LRRK2: variants seen among roughly 807,000 people sequenced by gnomAD.
LRRK2 encodes the protein leucine-rich repeat serine/threonine-protein kinase 2.
LRRK2 carries 203 observed loss-of-function variants against 302.6 expected under a neutral mutation model. The ratio of observed to expected loss-of-function variants is 0.67; its 90% confidence interval spans 0.60 to 0.75. The LOEUF (loss-of-function observed/expected upper bound fraction) is 0.75. LRRK2 is among the 30% of genes least tolerant of loss of function. LRRK2 has a pLI of 0.00. For missense variants in LRRK2, 2,830 were observed against 2,951.0 expected (o/e 0.96, Z 0.95); for synonymous variants, 1,066 against 1,031.9 (o/e 1.03, Z -0.63).
intron 44 of LRRK2, among the ~76,000 whole-genome samples, chr12:40,353,422 A>G (rs561345315): frequency 2.7e-5 from 4 of 145,964 alleles, no homozygotes; most frequent in Middle Eastern, 3.8e-3. Flanking sequence ...ATCTCAGACA[A>G]TGGGCGGCCG....
intron 2 of LRRK2, among the ~76,000 whole-genome samples, chr12:40,228,433 C>CTTTTTTTTTTTTTTTTTTTTTTTTCT (rs35333613): frequency 5.2e-5 from 1 of 19,316 alleles, no homozygotes; most frequent in Non-Finnish European, 9.1e-5. Context: ...AAAAATAAGA[C>CTTTTTTTTTTTTTTTTTTTTTTTTCT]TTTTTTTTTT....
intron 3 of LRRK2, among the ~76,000 whole-genome samples, chr12:40,234,080 G>A (rs571540631): frequency 1.3e-5 from 2 of 152,254 alleles, no homozygotes; most frequent in Admixed American, 1.3e-4. Flanking sequence ...ATAAAGTCAG[G>A]AATTGTGGGA....
chr12:40,293,496 G>C (rs72546322), intron 20 of LRRK2, 49 bp from the exon 21 acceptor site: 10 of 1,188,578 alleles, frequency 8.4e-6, no homozygotes, highest in Admixed American at 5.5e-5. Flanking sequence ...TTATGATTGA[G>C]TAAGCTTTTT....
chr12:40,303,410 A>G (rs557714887), intron 26 of LRRK2, among the ~76,000 whole-genome samples: 1 of 152,224 alleles, frequency 6.6e-6, no homozygotes, highest in African/African-American at 2.4e-5. Context: ...ATTATATCAT[A>G]CATGATAAAC....
rs1401751968 is a variant in LRRK2 at position 40,316,541 on chromosome 12, C to T, written c.4827+1241C>T. On this transcript the variant is annotated intron_variant, in intron 33 of 50. Coordinates refer to ENST00000298910, the MANE Select transcript of LRRK2 (RefSeq NM_198578.4). ...TTGAGCATCAGCTTGACCTACGTTT[C>T]AGTCTCTTTAATTACTTATTAGCTC... is the stretch of plus-strand genomic sequence containing the variant. 2.0e-5 allele frequency among the ~76,000 whole-genome samples: 3 copies of T among 152,158 alleles called. No homozygotes were observed. The East Asian group carries it at 5.8e-4, about 29-fold the overall frequency.
intron 19 of LRRK2, chr12:40,286,353 AT>A (rs1382606281): frequency 6.6e-6 from 1 of 151,994 alleles, no homozygotes; most frequent in Admixed American, 6.6e-5. Flanking sequence ...AAAAGGAACC[AT>A]TTGGGTATAT....
At chr12:40,332,559 G>T (rs1240439713) in intron 39 of LRRK2, among the ~76,000 whole-genome samples, 1 of 152,016 alleles carries the variant, frequency 6.6e-6, no homozygotes, top group African/African-American at 2.4e-5. Flanking sequence ...AGTAAATTTT[G>T]TAACCTTTAA....
intron 16 of LRRK2, among the ~76,000 whole-genome samples, chr12:40,276,439 G>A (rs1016013570): frequency 3.3e-5 from 5 of 152,118 alleles, no homozygotes; most frequent in Admixed American, 6.5e-5. Flanking sequence ...AGGACTACAA[G>A]TATGCACCAC....
chr12:40,353,896 A>G (rs1946447526), intron 44 of LRRK2, among the ~76,000 whole-genome samples: 1 of 152,206 alleles, frequency 6.6e-6, no homozygotes, highest in African/African-American at 2.4e-5. Context: ...AGGCAGGAGA[A>G]TCAGGCAGGG....
intron 5 of LRRK2, among the ~76,000 whole-genome samples, chr12:40,239,612 C>A (rs73106342): frequency 3.9e-5 from 6 of 152,070 alleles, no homozygotes; most frequent in Admixed American, 3.3e-4. Flanking sequence ...AGAAAAATTT[C>A]TGATTTTTCC....
Position 40,294,892 on chromosome 12 carries a change from A to G in LRRK2, c.2856A>G (p.Ile952Met), listed in dbSNP as rs1944318943. The G allele has an allele frequency of 1.9e-6, 3 of 1,553,672 alleles. No individual in the cohort carries two copies. Among genetic ancestry groups the G allele is most frequent in the African/African-American group, 2.7e-5 (2 of 73,972 alleles). The change falls in exon 22 of 51, where the codon ATA becomes ATG. Residue 952 changes from isoleucine to methionine, a missense_variant. Transcript: ENST00000298910. ...ATTTACTGAAGCGAAAAAGAAAAATATTATCTTCAGATGATTCACTCAGTA... is the reference window on the plus strand; with the variant it reads ...ATTTACTGAAGCGAAAAAGAAAAATGTTATCTTCAGATGATTCACTCAGTA... The part of the protein sequence containing the change: ...HEDLLKRKRK[I>M]LSSDDSLRSS...
intron 2 of LRRK2, among the ~76,000 whole-genome samples, chr12:40,225,932 G>A (rs756020134): frequency 2.6e-5 from 4 of 152,100 alleles, no homozygotes; most frequent in Non-Finnish European, 5.9e-5. Flanking sequence ...TCTCGTTATT[G>A]GCAAGATGAA....
At chr12:40,363,192 A>C (rs1160087560) in intron 47 of LRRK2, among the ~76,000 whole-genome samples, 2 of 152,086 alleles carry the variant, frequency 1.3e-5, no homozygotes, top group Admixed American at 6.6e-5. Flanking sequence ...AAATTAATAT[A>C]AAGTAACCAA....
chr12:40,314,120 T>A lies in LRRK2; in HGVS notation c.4685T>A (p.Leu1562Gln). Residue 1562 changes from leucine to glutamine, a missense_variant, in exon 32 of 51, where the codon CTG becomes CAG. By Grantham distance (113) the Leu-to-Gln change is moderately radical (BLOSUM62 -2). Around this residue, in one of 3 missense-constraint regions of LRRK2, gnomAD observed 2,121 missense variants for 2,148.0 expected, o/e 0.99. Transcript: ENST00000298910. ...TTACAACTAGTGAGAGAAAATCAGC[T>A]GCAGTTAGATGAAAATGAGCTTCCT... The part of the protein sequence containing the change: ...RLLQLVRENQ[L>Q]QLDENELPHA... 1 of 1,612,714 alleles carries A rather than the reference T, an allele frequency of 6.2e-7. No individual in the cohort carries two copies. The highest frequency in any genetic ancestry group is 8.5e-7 in the Non-Finnish European group (1 of 1,179,004).
At chr12:40,358,769 G>A (rs1375272045) in intron 46 of LRRK2, among the ~76,000 whole-genome samples, 1 of 152,046 alleles carries the variant, frequency 6.6e-6, no homozygotes, top group Non-Finnish European at 1.5e-5. Flanking sequence ...AATATCATTG[G>A]AGCTTTCATG....
intron 39 of LRRK2, among the ~76,000 whole-genome samples, chr12:40,331,879 T>C (rs929323846): frequency 3.9e-5 from 6 of 152,368 alleles, no homozygotes; most frequent in African/African-American, 1.4e-4. Flanking sequence ...TAAAATTCCT[T>C]TAACCTTGGT....
chr12:40,256,652 A>G (rs1199215168), intron 11 of LRRK2, among the ~76,000 whole-genome samples: 5 of 152,240 alleles, frequency 3.3e-5, no homozygotes, highest in Non-Finnish European at 7.3e-5. Flanking sequence ...GCATATATAG[A>G]AATTATAATG....
At chr12:40,246,759 C>T (rs370915096) in intron 7 of LRRK2, among the ~76,000 whole-genome samples, 1 of 152,124 alleles carries the variant, frequency 6.6e-6, no homozygotes, top group African/African-American at 2.4e-5. Context: ...CTGGTTGAGA[C>T]CTTACCTTGC....
At chr12:40,349,761 C>A (rs992113195) in intron 43 of LRRK2, among the ~76,000 whole-genome samples, 1 of 152,204 alleles carries the variant, frequency 6.6e-6, no homozygotes, top group African/African-American at 2.4e-5. Context: ...AAGCAATCCT[C>A]CCGCCTAGGC....
Sources: allele counts gnomAD v4.1 joint callset (sites outside exome capture counted in the v4.1 genomes callset), GRCh38; gene constraint gnomAD v4.1.1; regional missense constraint gnomAD v4.1.1; transcripts MANE v1.5; gene names NCBI Gene and HGNC (gene_info 2026-07-23, HGNC 2026-07-21).